The following SCN10A variants were observed in gnomAD, a reference collection of about 807,000 sequenced individuals.
The protein encoded by SCN10A is sodium voltage-gated channel alpha subunit 10, also known as sodium channel protein type 10 subunit alpha.
Under a neutral mutation model 170.7 loss-of-function variants are expected in SCN10A, and 162 were observed. The observed-to-expected ratio is 0.95, with a 90% CI of 0.84 to 1.08. The LOEUF is 1.08. SCN10A is among the 50% of genes least tolerant of loss of function. SCN10A has a pLI of 0.00. For missense variants in SCN10A, 2,527 were observed against 2,436.9 expected, an observed-to-expected ratio of 1.04 and a Z score of -0.78; for synonymous variants, 985 against 904.6, an observed-to-expected ratio of 1.09 and a Z score of -1.59.
chr3:38,786,332 C>T (rs1449236897), intron 4 of SCN10A, among the ~76,000 whole-genome samples: 1 of 152,080 alleles, frequency 6.6e-6, no homozygotes, highest in East Asian at 1.9e-4. Context: ...TTTGCAGGGA[C>T]ATGGATGAAG....
intron 1 of SCN10A, among the ~76,000 whole-genome samples, chr3:38,811,569 T>C (rs2064441576): frequency 6.6e-6 from 1 of 152,196 alleles, no homozygotes; most frequent in Non-Finnish European, 1.5e-5. Flanking sequence ...CTATTAATAC[T>C]ATTATCTCCC....
chr3:38,810,541 T>C (rs1427100454), intron 1 of SCN10A, among the ~76,000 whole-genome samples: 1 of 152,206 alleles, frequency 6.6e-6, no homozygotes, highest in East Asian at 1.9e-4. Context: ...TTCTTGGTCT[T>C]GTCTGTCTAA....
At chr3:38,720,461 A>AT (rs542028713) in intron 20 of SCN10A, among the ~76,000 whole-genome samples, 1,579 of 151,728 alleles carry the variant, frequency 0.01, 12 homozygotes, top group Middle Eastern at 0.017. Flanking sequence ...GAAATGGATG[A>AT]TTTTTTTTTC....
chr3:38,732,627 G>A (rs1012193553), intron 15 of SCN10A, among the ~76,000 whole-genome samples: 4 of 152,214 alleles, frequency 2.6e-5, no homozygotes, highest in African/African-American at 7.2e-5. Flanking sequence ...GGGCAACAAG[G>A]AAGCTGATAG....
chr3:38,739,678 A>G lies in SCN10A; in HGVS notation c.2117T>C (p.Ile706Thr). 6.2e-7 allele frequency: 1 copy of G among 1,613,964 alleles called. No homozygotes were observed. Among genetic ancestry groups the G allele is most frequent in the East Asian group, 2.2e-5 (1 of 44,888 alleles). ...MLQIGNIVFT[I>T]FFTAEMVFKI... is the part of the protein sequence containing the mutation. ...GAAGACCATTTCAGCAGTAAAAAATATGGTAAAGACCTAGGAGTGGAAACA... is the reference window on the plus strand; with the variant it reads ...GAAGACCATTTCAGCAGTAAAAAATGTGGTAAAGACCTAGGAGTGGAAACA... Residue 706 changes from isoleucine (I) to threonine (T), a missense_variant, in exon 15 of 28, where the codon ATA becomes ACA. Coordinates refer to ENST00000449082, the MANE Select transcript of SCN10A (RefSeq NM_006514.4).
At chr3:38,764,788 C>T (rs775563265) in intron 5 of SCN10A, among the ~76,000 whole-genome samples, 1 of 152,168 alleles carries the variant, frequency 6.6e-6, no homozygotes, top group Non-Finnish European at 1.5e-5. Context: ...AAGGAATCTC[C>T]ATAACGTTTT....
intron 8 of SCN10A, among the ~76,000 whole-genome samples, chr3:38,759,972 G>T (rs1465245749): frequency 2.0e-5 from 3 of 152,198 alleles, no homozygotes; most frequent in Non-Finnish European, 4.4e-5. Context: ...AATGGAGTTA[G>T]CTGTGATGAT....
In SCN10A at chr3:38,753,167, A is replaced by C. The variant is rs180717173; in HGVS notation, c.1462-655T>G. ...AAGAATAATGTCATTCCTCCAAATC[A>C]ATAAACATTTCCCATCAAAATCTTC... On this transcript the variant is annotated intron_variant, in intron 11 of 27. Coordinates refer to ENST00000449082, the MANE Select transcript of SCN10A (RefSeq NM_006514.4). 2.0e-5 allele frequency among the ~76,000 whole-genome samples: 3 copies of C among 152,320 alleles called. No homozygotes were observed. In the East Asian group the frequency reaches 5.8e-4, roughly 29 times the overall value.
chr3:38,762,275 T>G (rs2063883085), intron 6 of SCN10A, among the ~76,000 whole-genome samples: 2 of 152,052 alleles, frequency 1.3e-5, no homozygotes, highest in Admixed American at 6.6e-5. Flanking sequence ...GCATGTCGAG[T>G]GCCGTTGTCT....
intron 15 of SCN10A, among the ~76,000 whole-genome samples, chr3:38,736,361 C>CTGTCTG (rs2063560393): frequency 7.2e-6 from 1 of 139,358 alleles, no homozygotes. Context: ...TAGGGAAACT[C>CTGTCTG]TGTGTGTGTG....
chr3:38,721,631 T>C (rs1355346519), intron 20 of SCN10A, among the ~76,000 whole-genome samples: 1 of 152,192 alleles, frequency 6.6e-6, no homozygotes, highest in African/African-American at 2.4e-5. Context: ...TGTGGGTCAC[T>C]GAGGGCAGTG....
intron 7 of SCN10A, 55 bp from the exon 8 acceptor site, chr3:38,760,802 A>C (rs376266826): frequency 1.8e-5 from 26 of 1,427,594 alleles, no homozygotes; most frequent in Non-Finnish European, 2.5e-5. Flanking sequence ...CTCCAACCCA[A>C]GCCTTGTGTG....
intron 2 of SCN10A, 135 bp downstream of exon 2, chr3:38,793,606 A>ATT (rs889528547): frequency 1.3e-5 from 9 of 711,214 alleles, no homozygotes; most frequent in Admixed American, 2.4e-5. Flanking sequence ...ATATATATAT[A>ATT]TTTTTTTTGG....
chr3:38,738,641 C>G (rs1163603449), intron 15 of SCN10A, among the ~76,000 whole-genome samples: 1 of 152,178 alleles, frequency 6.6e-6, no homozygotes, highest in African/African-American at 2.4e-5. Flanking sequence ...CTGAGAGATT[C>G]CTGAGAGCAG....
At chr3:38,709,368 T>C in intron 25 of SCN10A, 110 bp downstream of exon 25, 1 of 1,099,430 alleles carries the variant, frequency 9.1e-7, no homozygotes, top group Non-Finnish European at 1.3e-6. Flanking sequence ...ATTAAAGTGA[T>C]GGGCTGTGAG....
chr3:38,796,947 C>G (rs1384363468), intron 1 of SCN10A, among the ~76,000 whole-genome samples: 1 of 151,914 alleles, frequency 6.6e-6, no homozygotes, highest in Non-Finnish European at 1.5e-5. Context: ...TAACTAGATA[C>G]AGAATAGATA....
intron 23 of SCN10A, 104 bp from the exon 24 acceptor site, chr3:38,711,001 GA>G: frequency 1.1e-6 from 1 of 913,816 alleles, no homozygotes; most frequent in Non-Finnish European, 1.7e-6. Context: ...TCCTGTGTTG[GA>G]AAGGGCTTGT....
At chr3:38,756,301 T>C (rs1275049442) in intron 10 of SCN10A, among the ~76,000 whole-genome samples, 1 of 142,562 alleles carries the variant, frequency 7.0e-6, no homozygotes, top group Admixed American at 7.0e-5. Flanking sequence ...ATGGGGAGGG[T>C]AAAAAAAAAA....
intron 13 of SCN10A, among the ~76,000 whole-genome samples, chr3:38,749,424 C>G (rs182782223): frequency 6.6e-6 from 1 of 152,212 alleles, no homozygotes. Context: ...GATGCAATCA[C>G]GCTCTATGGC....
Sources: gnomAD v4.1 joint callset for allele counts (sites outside exome capture counted in the v4.1 genomes callset) on GRCh38, gnomAD v4.1.1 for gene constraint, MANE v1.5 for transcripts, NCBI Gene and HGNC (gene_info 2026-07-23, HGNC 2026-07-21) for gene names.